The following PIK3C2G variants were observed in gnomAD, a reference collection of about 807,000 sequenced individuals.
PIK3C2G encodes the protein phosphatidylinositol 3-kinase C2 domain-containing subunit gamma.
A neutral mutation model predicts 181.1 loss-of-function variants in PIK3C2G; 168 were observed. That is an observed-to-expected ratio of 0.93 (90% CI 0.82 to 1.05). PIK3C2G has a LOEUF of 1.05. Ranked by LOEUF, PIK3C2G falls within the 50% of genes least tolerant of loss-of-function variation. The pLI is 0.00. For missense variants in PIK3C2G, 1,869 were observed against 1,732.8 expected (o/e 1.08, Z -1.40); for synonymous variants, 573 against 592.2 (o/e 0.97, Z 0.47).
At chr12:18,330,530 C>T (rs141078376) in intron 8 of PIK3C2G, among the ~76,000 whole-genome samples, 15 of 152,238 alleles carry the variant, frequency 9.9e-5, no homozygotes, top group Non-Finnish European at 1.6e-4. Context: ...ATTTGTATTT[C>T]CTCAATGGCT....
chr12:18,247,225 T>C (rs974009601), upstream of PIK3C2G, among the ~76,000 whole-genome samples: 1 of 152,194 alleles, frequency 6.6e-6, no homozygotes, highest in Non-Finnish European at 1.5e-5. Flanking sequence ...GGAATTATAA[T>C]ACTTAAAAGA....
intron 18 of PIK3C2G, among the ~76,000 whole-genome samples, chr12:18,456,412 C>A (rs1002812668): frequency 2.0e-5 from 3 of 152,046 alleles, no homozygotes; most frequent in East Asian, 1.9e-4. Context: ...GAGAGGGGCT[C>A]CCAAGTGGGT....
Position 18,523,660 on chromosome 12 carries a change from C to T in PIK3C2G, c.3324-14496C>T, listed in dbSNP as rs866949999. ...CAGTTGCCTTCAAGTCTGGGAAAGA[C>T]TTAATGCAAGCATTGAAATTAGTTG... On this transcript the variant is annotated intron_variant, in intron 24 of 32. Transcript: ENST00000538779. Among the ~76,000 whole-genome samples the T allele has an allele frequency of 1.6e-4, 25 of 152,318 alleles. No homozygotes were observed. The Middle Eastern group carries it at 0.014, about 83-fold the overall frequency.
At chr12:18,659,371 A>G in the PIK3C2G span, among the ~76,000 whole-genome samples, 1 of 152,158 alleles carries the variant, frequency 6.6e-6, no homozygotes, top group Non-Finnish European at 1.5e-5. Context: ...GAGGATAAAG[A>G]ACTCTTTGTT....
intron 1 of PIK3C2G, among the ~76,000 whole-genome samples, chr12:18,253,916 G>A (rs992803317): frequency 2.7e-5 from 4 of 148,840 alleles, no homozygotes; most frequent in Non-Finnish European, 1.5e-5. Context: ...TCATTCCTCA[G>A]ATTGCATGTT....
intron 25 of PIK3C2G, among the ~76,000 whole-genome samples, chr12:18,541,568 G>T (rs541924852): frequency 7.5e-4 from 114 of 152,050 alleles, no homozygotes; most frequent in African/African-American, 2.6e-3. Flanking sequence ...TTCTCTATGT[G>T]ATGGGGAAGA....
At chr12:18,668,025 A>G in the PIK3C2G span, among the ~76,000 whole-genome samples, 1 of 152,190 alleles carries the variant, frequency 6.6e-6, no homozygotes. Flanking sequence ...TTAGGACACT[A>G]CCTAATATAA....
chr12:18,515,518 C>T (rs1258115242), intron 24 of PIK3C2G, among the ~76,000 whole-genome samples: 1 of 151,976 alleles, frequency 6.6e-6, no homozygotes, highest in East Asian at 1.9e-4. Context: ...TATAATTGCC[C>T]ATAATAGTCT....
chr12:18,531,004 A>C (rs1330211783), intron 24 of PIK3C2G, among the ~76,000 whole-genome samples: 1 of 152,162 alleles, frequency 6.6e-6, no homozygotes, highest in Admixed American at 6.6e-5. Context: ...TCATCATTTT[A>C]TTTGATTTAC....
rs1321735327 is a variant in PIK3C2G at position 18,594,694 on chromosome 12, C to G, written c.4087+125C>G. Reference sequence around the variant, plus strand: ...TTTTTAAGAGTAAGACTTTAATACTCTTTTCTAACCATTTCCATAGCGTAA... The same window carrying G: ...TTTTTAAGAGTAAGACTTTAATACTGTTTTCTAACCATTTCCATAGCGTAA... On this transcript the variant is annotated intron_variant, in intron 30 of 32. Coordinates refer to ENST00000538779, the MANE Select transcript of PIK3C2G (RefSeq NM_001288772.2). 4 of 476,496 alleles carry G rather than the reference C, an allele frequency of 8.4e-6. No individual in the cohort carries two copies. The East Asian group carries it at 1.1e-4, about 13-fold the overall frequency. 29.5% of individuals were successfully genotyped at this position (476,496 alleles called of 1,614,324 possible). A position where few individuals can be genotyped will look rare whatever the true frequency, so the allele number is the denominator to read the frequency against.
At chr12:18,314,995 C>T (rs1459012856) in intron 6 of PIK3C2G, among the ~76,000 whole-genome samples, 3 of 152,170 alleles carry the variant, frequency 2.0e-5, no homozygotes, top group African/African-American at 7.2e-5. Context: ...TTGTGAGTTA[C>T]TTCCAATTCA....
the PIK3C2G span, chr12:18,696,322 C>CTATATATATA: frequency 3.0e-3 from 801 of 267,630 alleles, 65 homozygotes; most frequent in African/African-American, 0.024. Flanking sequence ...TAAAAAGCCA[C>CTATATATATA]TATATATATA....
chr12:18,618,759 A>C (rs899471290), intron 31 of PIK3C2G, among the ~76,000 whole-genome samples: 14 of 152,194 alleles, frequency 9.2e-5, no homozygotes, highest in Admixed American at 9.2e-4. Context: ...TTGGCAAGAA[A>C]TAAAAATCAC....
At chr12:18,509,236 C>T (rs1333503113) in intron 24 of PIK3C2G, among the ~76,000 whole-genome samples, 1 of 151,968 alleles carries the variant, frequency 6.6e-6, no homozygotes, top group Non-Finnish European at 1.5e-5. Context: ...TTAGTAGAGA[C>T]AGGGTTTCAC....
At chr12:18,568,852 A>G (rs978995837) in intron 29 of PIK3C2G, among the ~76,000 whole-genome samples, 1 of 152,262 alleles carries the variant, frequency 6.6e-6, no homozygotes, top group Non-Finnish European at 1.5e-5. Flanking sequence ...GGCCCTCCTT[A>G]CTAGACTAGC....
At chr12:18,324,904 A>G in intron 7 of PIK3C2G, 131 bp from the exon 8 acceptor site, 2 of 540,000 alleles carry the variant, frequency 3.7e-6, no homozygotes, top group South Asian at 5.9e-5. Flanking sequence ...AATTATGTCA[A>G]CAATAATCCT....
rs1031646317 is a variant in PIK3C2G, at chr12:18,562,799, T to C, written c.3687T>C (p.Thr1229=). 1.2e-6 allele frequency: 2 copies of C among 1,607,994 alleles called. No homozygotes were observed. The change falls in exon 27 of 33, where the codon ACT becomes ACC. Residue 1229 remains threonine (T), a synonymous_variant. Transcript: ENST00000538779. ...QMSAISPAKS[T]SQTFPQESCL... Reference sequence around the variant, plus strand: ...CAGCCATAAGCCCTGCCAAATCTACTTCACAGACTTTTCCTCAGGAATCCT... The same window carrying C: ...CAGCCATAAGCCCTGCCAAATCTACCTCACAGACTTTTCCTCAGGAATCCT...
intron 1 of PIK3C2G, among the ~76,000 whole-genome samples, chr12:18,278,524 G>A (rs1949079025): frequency 6.6e-6 from 1 of 152,110 alleles, no homozygotes; most frequent in Non-Finnish European, 1.5e-5. Context: ...ACTTACTGTG[G>A]TCACAGGTTC....
intron 26 of PIK3C2G, among the ~76,000 whole-genome samples, chr12:18,558,288 T>C (rs988747135): frequency 6.6e-6 from 1 of 152,202 alleles, no homozygotes. Context: ...ACATTAAACA[T>C]TGTTCATCCC....
Sources: gnomAD v4.1 joint callset for allele counts (sites outside exome capture counted in the v4.1 genomes callset) on GRCh38, gnomAD v4.1.1 for gene constraint, MANE v1.5 for transcripts, NCBI Gene and HGNC (gene_info 2026-07-23, HGNC 2026-07-21) for gene names.